TPD52L1: variants seen among roughly 807,000 people sequenced by gnomAD.
TPD52L1 encodes TPD52 like 1.
Under a neutral mutation model 28.7 loss-of-function variants are expected in TPD52L1, and 18 were observed. The ratio of observed to expected loss-of-function variants is 0.63; its 90% CI spans 0.43 to 0.93. The LOEUF (loss-of-function observed/expected upper bound fraction) is 0.93. Among genes scored for constraint, TPD52L1 ranks in the 40% least tolerant of loss-of-function variants. TPD52L1 has a pLI of 0.00. For missense variants in TPD52L1, 203 were observed against 254.8 expected, an observed-to-expected ratio of 0.80 and a Z score of 1.39; for synonymous variants, 75 against 88.8, an observed-to-expected ratio of 0.84 and a Z score of 0.88.
intron 3 of TPD52L1, among the ~76,000 whole-genome samples, chr6:125,246,382 C>T (rs1489649366): frequency 6.6e-6 from 1 of 152,090 alleles, no homozygotes; most frequent in Non-Finnish European, 1.5e-5. Context: ...TTTCGGTGTT[C>T]CTGGTAAGTT....
chr6:125,235,281 G>C (rs78950409), intron 3 of TPD52L1, among the ~76,000 whole-genome samples: 3,096 of 151,964 alleles, frequency 0.02, 59 homozygotes, highest in Non-Finnish European at 0.028. Flanking sequence ...TGTGCAATAC[G>C]TAACTCCTGA....
At chr6:125,250,638 C>G (rs1438365756) in intron 4 of TPD52L1, among the ~76,000 whole-genome samples, 1 of 152,100 alleles carries the variant, frequency 6.6e-6, no homozygotes, top group African/African-American at 2.4e-5. Context: ...ATTGTTTTTC[C>G]CAATAGTGAA....
At chr6:125,178,820 C>T (rs749847189) in intron 1 of TPD52L1, among the ~76,000 whole-genome samples, 1 of 152,168 alleles carries the variant, frequency 6.6e-6, no homozygotes, top group African/African-American at 2.4e-5. Context: ...GGCTACTTCC[C>T]AATAGAGAGG....
At chr6:125,192,338 C>G (rs953252948) in intron 1 of TPD52L1, among the ~76,000 whole-genome samples, 1 of 143,240 alleles carries the variant, frequency 7.0e-6, no homozygotes, top group Non-Finnish European at 1.5e-5. Flanking sequence ...TTTTTTTTAT[C>G]TGGTGTTGCC....
chr6:125,155,536 A>G (rs554196677), intron 1 of TPD52L1, among the ~76,000 whole-genome samples: 1 of 152,366 alleles, frequency 6.6e-6, no homozygotes, highest in East Asian at 1.9e-4. Flanking sequence ...CAAATATTTC[A>G]GTGCTTTCCT....
chr6:125,156,228 C>CT (rs1790107418), intron 1 of TPD52L1, among the ~76,000 whole-genome samples: 1 of 152,028 alleles, frequency 6.6e-6, no homozygotes, highest in Non-Finnish European at 1.5e-5. Flanking sequence ...CTTCGGGAGG[C>CT]CAAGGTAGGA....
chr6:125,240,626 T>A (rs567191873), intron 3 of TPD52L1, among the ~76,000 whole-genome samples: 1 of 152,292 alleles, frequency 6.6e-6, no homozygotes, highest in East Asian at 1.9e-4. Flanking sequence ...ATTCTCAGTT[T>A]GGTCACTGTT....
intron 3 of TPD52L1, among the ~76,000 whole-genome samples, chr6:125,232,827 C>T (rs1055253872): frequency 1.3e-5 from 2 of 152,120 alleles, no homozygotes; most frequent in African/African-American, 2.4e-5. Context: ...TCCAGGGTTT[C>T]TTGTTGCTGT....
At chr6:125,210,596 A>G (rs1794431505) in intron 1 of TPD52L1, among the ~76,000 whole-genome samples, 1 of 135,928 alleles carries the variant, frequency 7.4e-6, no homozygotes, top group African/African-American at 2.8e-5. Context: ...CATGTAAGGT[A>G]TATATGCGGG....
intron 1 of TPD52L1, among the ~76,000 whole-genome samples, chr6:125,184,249 C>T (rs146918941): frequency 1.1e-3 from 163 of 152,302 alleles, no homozygotes; most frequent in African/African-American, 3.5e-3. Context: ...GGACCTGCCT[C>T]GGCACCAAGC....
intron 4 of TPD52L1, 190 bp downstream of exon 4, chr6:125,248,573 G>T: frequency 3.6e-6 from 2 of 550,970 alleles, no homozygotes. Context: ...TGAAGGTCAG[G>T]CTTAGGTGGC....
chr6:125,223,851 T>C (rs749642992), intron 2 of TPD52L1, among the ~76,000 whole-genome samples: 1 of 152,154 alleles, frequency 6.6e-6, no homozygotes, highest in Non-Finnish European at 1.5e-5. Context: ...CAGTGGTTCA[T>C]GCATAGAAGG....
intron 2 of TPD52L1, among the ~76,000 whole-genome samples, chr6:125,226,123 CG>C (rs1795593176): frequency 6.6e-6 from 1 of 152,052 alleles, no homozygotes; most frequent in South Asian, 2.1e-4. Flanking sequence ...CCAACTTTTG[CG>C]ATTAGTTTTT....
At chr6:125,165,727 T>G (rs1479574751) in intron 1 of TPD52L1, among the ~76,000 whole-genome samples, 5 of 152,218 alleles carry the variant, frequency 3.3e-5, no homozygotes, top group African/African-American at 1.2e-4. Context: ...AGACATTTCT[T>G]TTGTCCATTA....
intron 1 of TPD52L1, among the ~76,000 whole-genome samples, chr6:125,197,863 A>G (rs1412441548): frequency 6.6e-6 from 1 of 152,188 alleles, no homozygotes; most frequent in African/African-American, 2.4e-5. Context: ...GGGTGTGATT[A>G]ATAGCAGCTC....
At position 125,220,264 on chromosome 6, in the gene TPD52L1, T is replaced by C. The variant is rs1041747228; in HGVS notation, c.135+71T>C. 5 of 974,528 alleles carry C rather than the reference T, an allele frequency of 5.1e-6. No individual in the cohort carries two copies. The African/African-American group carries it at 8.1e-5, about 16-fold the overall frequency. The allele number at this position is 974,528 out of a possible 1,614,324, so 60.4% of individuals were successfully genotyped here. A position where few individuals can be genotyped will look rare whatever the true frequency, so the allele number is the denominator to read the frequency against. On this transcript the variant is annotated intron_variant, in intron 2 of 6. Transcript: ENST00000534000. ...AAGAGTTATTATTAGTTTGATATAA[T>C]AATTGTAATGATGTTGTATTGTAAT... is the stretch of plus-strand genomic sequence containing the variant.
intron 1 of TPD52L1, among the ~76,000 whole-genome samples, chr6:125,217,403 G>A (rs1053054429): frequency 2.0e-5 from 3 of 152,136 alleles, no homozygotes; most frequent in African/African-American, 4.8e-5. Flanking sequence ...TGGGGGAAAC[G>A]GGAGACAGTG....
rs11538244 is a variant in TPD52L1, at chr6:125,153,924, C to T, written c.-28C>T. ...GCTCTGGGAAGCACCAGGGTGTCCC[C>T]GCCGCCCTCAGCTCGAAGTCAGCCA... On this transcript the variant is annotated 5_prime_UTR_variant, in exon 1 of 7. Coordinates refer to ENST00000534000, the MANE Select transcript of TPD52L1 (RefSeq NM_003287.4). 1,250 of 1,599,420 alleles carry T rather than the reference C, an allele frequency of 7.8e-4. 12 individuals are homozygous for T. In the African/African-American group the frequency reaches 0.015, roughly 19 times the overall value.
At chr6:125,254,761 T>C (rs1797493359) in intron 5 of TPD52L1, among the ~76,000 whole-genome samples, 1 of 151,936 alleles carries the variant, frequency 6.6e-6, no homozygotes. Context: ...TCATTTGCAG[T>C]GCTAAAAAAG....
Sources: gnomAD v4.1 joint callset for allele counts (sites outside exome capture counted in the v4.1 genomes callset) on GRCh38, gnomAD v4.1.1 for gene constraint, MANE v1.5 for transcripts, NCBI Gene and HGNC (gene_info 2026-07-23, HGNC 2026-07-21) for gene names.